The following CACNA2D3 variants were observed in gnomAD, a reference collection of about 807,000 sequenced individuals.
CACNA2D3 encodes calcium voltage-gated channel auxiliary subunit alpha2delta 3, also known as voltage-dependent calcium channel subunit alpha-2/delta-3.
CACNA2D3 carries 60 observed loss-of-function variants against 160.6 expected under a neutral mutation model. The observed-to-expected ratio is 0.37, with a 90% CI of 0.30 to 0.46. CACNA2D3 has a LOEUF of 0.46. CACNA2D3 is among the 20% of genes least tolerant of loss of function. The pLI, the probability that CACNA2D3 is intolerant of heterozygous loss-of-function variation, is 1.00. For missense variants in CACNA2D3, 1,205 were observed against 1,365.0 expected, an observed-to-expected ratio of 0.88 and a Z score of 1.85; for synonymous variants, 558 against 492.9, an observed-to-expected ratio of 1.13 and a Z score of -1.75.
chr3:54,534,453 C>T lies in CACNA2D3; in HGVS notation c.545-28347C>T, dbSNP rs148271734. Among the ~76,000 whole-genome samples, 534 of 152,254 alleles carry T rather than the reference C, an allele frequency of 3.5e-3. 7 individuals are homozygous for T. Among genetic ancestry groups the T allele is most frequent in the East Asian group, 7.7e-3 (40 of 5,162 alleles). On this transcript the variant is annotated intron_variant, in intron 5 of 37. Transcript: ENST00000474759. ...CCCCTGCTCACTCGGAGCTGTTCTT[C>T]ACCATGTGAAGCTCATCAGCACATG...
intron 35 of CACNA2D3, among the ~76,000 whole-genome samples, chr3:55,038,399 C>CATAT (rs1703877008): frequency 6.6e-6 from 1 of 152,052 alleles, no homozygotes; most frequent in South Asian, 2.1e-4. Context: ...GAGCCAAACA[C>CATAT]ATATGAGATG....
At chr3:54,557,729 A>G (rs1306995909) in intron 5 of CACNA2D3, among the ~76,000 whole-genome samples, 3 of 152,212 alleles carry the variant, frequency 2.0e-5, no homozygotes, top group African/African-American at 2.4e-5. Context: ...AATAATCGTT[A>G]TCAAGCTTGG....
chr3:54,846,298 A>G, intron 16 of CACNA2D3, 95 bp from the exon 17 acceptor site: 1 of 725,126 alleles, frequency 1.4e-6, no homozygotes, highest in Non-Finnish European at 2.4e-6. Flanking sequence ...ATGACAAGTT[A>G]AAGCTGTAAA....
rs533596688 is a variant in CACNA2D3 at position 54,918,332 on chromosome 3, C to CTTTTTTTTTTTTTTTTTTT, written c.2449+18469_2449+18487dup. On this transcript the variant is annotated intron_variant, in intron 27 of 37. Coordinates refer to ENST00000474759, the MANE Select transcript of CACNA2D3 (RefSeq NM_018398.3). ...TTTTACAGACACATCTTTTTTTTTT[C>CTTTTTTTTTTTTTTTTTTT]TTTTTTTTTTTTTTTTTTTTTTTGT... is the stretch of plus-strand genomic sequence containing the variant. The CTTTTTTTTTTTTTTTTTTT allele has an allele frequency of 3.9e-4, 89 of 228,014 alleles. 13 individuals are homozygous for CTTTTTTTTTTTTTTTTTTT. The highest frequency in any genetic ancestry group is 5.8e-4 in the Non-Finnish European group (73 of 126,148). The allele number at this position is 228,014 out of a possible 1,614,324, so 14.1% of individuals were successfully genotyped here.
intron 2 of CACNA2D3, among the ~76,000 whole-genome samples, chr3:54,249,859 T>C (rs1202662088): frequency 6.6e-6 from 1 of 152,066 alleles, no homozygotes; most frequent in Non-Finnish European, 1.5e-5. Context: ...TATAGACAAC[T>C]CTTTAGTTAC....
intron 27 of CACNA2D3, among the ~76,000 whole-genome samples, chr3:54,942,533 G>A (rs1160930441): frequency 6.6e-6 from 1 of 152,116 alleles, no homozygotes; most frequent in African/African-American, 2.4e-5. Context: ...TGGTTTTATA[G>A]CAAAGTAATA....
At chr3:54,670,433 A>G (rs1231512060) in intron 11 of CACNA2D3, among the ~76,000 whole-genome samples, 1 of 152,154 alleles carries the variant, frequency 6.6e-6, no homozygotes, top group Non-Finnish European at 1.5e-5. Flanking sequence ...CTGGACCATA[A>G]TGAATCTTTC....
intron 2 of CACNA2D3, among the ~76,000 whole-genome samples, chr3:54,246,681 A>G (rs971689648): frequency 2.0e-5 from 3 of 151,344 alleles, no homozygotes; most frequent in Non-Finnish European, 4.4e-5. Flanking sequence ...CTGAGATTGC[A>G]CTATTGCACT....
At chr3:54,829,865 C>CTTTTCT (rs918118594) in intron 14 of CACNA2D3, among the ~76,000 whole-genome samples, 2 of 114,860 alleles carry the variant, frequency 1.7e-5, no homozygotes, top group Non-Finnish European at 3.7e-5. Context: ...TTCTGCATAT[C>CTTTTCT]TTTTCTTCTT....
chr3:54,650,986 G>A (rs1699752842), intron 11 of CACNA2D3, among the ~76,000 whole-genome samples: 1 of 152,198 alleles, frequency 6.6e-6, no homozygotes, highest in Non-Finnish European at 1.5e-5. Flanking sequence ...TGAGGAAACT[G>A]AGGCATGAAG....
chr3:54,908,633 C>T (rs1360799294), intron 27 of CACNA2D3, among the ~76,000 whole-genome samples: 1 of 152,194 alleles, frequency 6.6e-6, no homozygotes, highest in Non-Finnish European at 1.5e-5. Context: ...GGGAGGATAG[C>T]TTGAGCCAGG....
intron 13 of CACNA2D3, among the ~76,000 whole-genome samples, chr3:54,804,958 A>T (rs1244687122): frequency 6.6e-6 from 1 of 152,240 alleles, no homozygotes; most frequent in Non-Finnish European, 1.5e-5. Context: ...ACTACTGGGT[A>T]CAGAACGAAA....
intron 5 of CACNA2D3, among the ~76,000 whole-genome samples, chr3:54,545,958 A>G (rs1702057394): frequency 6.6e-6 from 1 of 152,200 alleles, no homozygotes; most frequent in African/African-American, 2.4e-5. Context: ...GGCATGCTCC[A>G]TCACCCTCCT....
At chr3:54,805,347 C>T (rs1703094646) in intron 13 of CACNA2D3, among the ~76,000 whole-genome samples, 3 of 152,046 alleles carry the variant, frequency 2.0e-5, no homozygotes, top group African/African-American at 7.2e-5. Context: ...CAAATAGACG[C>T]AATAAAAAAT....
intron 2 of CACNA2D3, among the ~76,000 whole-genome samples, chr3:54,162,303 G>C (rs542105221): frequency 6.6e-6 from 1 of 152,256 alleles, no homozygotes; most frequent in Admixed American, 6.5e-5. Context: ...GTGTCTGCTG[G>C]GACCTCATCT....
chr3:54,394,024 G>T (rs1349971959), intron 4 of CACNA2D3, among the ~76,000 whole-genome samples: 1 of 152,156 alleles, frequency 6.6e-6, no homozygotes, highest in Non-Finnish European at 1.5e-5. Context: ...CTCACCATCT[G>T]GGGGTCCAGA....
intron 2 of CACNA2D3, among the ~76,000 whole-genome samples, chr3:54,248,387 A>T (rs1702122544): frequency 6.6e-6 from 1 of 151,584 alleles, no homozygotes; most frequent in Non-Finnish European, 1.5e-5. Flanking sequence ...AGGCTGAGGC[A>T]GGAGAATCCC....
chr3:54,771,813 G>A (rs1011433053), intron 13 of CACNA2D3, among the ~76,000 whole-genome samples: 6 of 152,152 alleles, frequency 3.9e-5, no homozygotes, highest in Admixed American at 3.3e-4. Context: ...TTGATGGGGT[G>A]TGTACTTGGG....
intron 4 of CACNA2D3, among the ~76,000 whole-genome samples, chr3:54,479,324 T>C: frequency 6.6e-6 from 1 of 152,194 alleles, no homozygotes; most frequent in Non-Finnish European, 1.5e-5. Context: ...CAGGTATGTC[T>C]TTATTAGCAG....
Sources: allele counts gnomAD v4.1 joint callset (sites outside exome capture counted in the v4.1 genomes callset), GRCh38; gene constraint gnomAD v4.1.1; transcripts MANE v1.5; gene names NCBI Gene and HGNC (gene_info 2026-07-23, HGNC 2026-07-21).